ATP5MG: variants seen among roughly 807,000 people sequenced by gnomAD.
ATP5MG encodes the protein ATP synthase F(0) complex subunit g, mitochondrial.
A neutral mutation model predicts 12.7 loss-of-function variants in ATP5MG; 7 were observed. The observed-to-expected ratio is 0.55, with a 90% CI of 0.31 to 1.04. The LOEUF (loss-of-function observed/expected upper bound fraction) is 1.04. Among genes scored for constraint, ATP5MG ranks in the 50% least tolerant of loss-of-function variants. The probability of loss-of-function intolerance (pLI) is 0.05; values close to 1 mark genes in which losing one functional copy is unlikely to be tolerated. For missense variants in ATP5MG, 116 were observed against 126.7 expected (o/e 0.92, Z 0.41); for synonymous variants, 53 against 48.2 (o/e 1.10, Z -0.41).
intron 2 of ATP5MG, chr11:118,407,301 G>GGAAAC: frequency 1.3e-6 from 1 of 793,080 alleles, no homozygotes; most frequent in Non-Finnish European, 1.9e-6. Flanking sequence ...TTATGTCTTA[G>GGAAAC]TTTCCTAAGA....
chr11:118,406,074 G>C (rs1231990190), intron 1 of ATP5MG: 1 of 152,206 alleles, frequency 6.6e-6, no homozygotes, highest in African/African-American at 2.4e-5. Flanking sequence ...TGCTGGGCAG[G>C]CTGGTCTCAA....
Position 118,406,952 on chromosome 11 carries a change from C to T in ATP5MG, c.68C>T (p.Ser23Leu), listed in dbSNP as rs1555132187. ...PALVNAAVTY[S>L]KPRLATFWYY... ...TGTTTTCCAGCTGCTGTGACTTACTCGAAGCCTCGATTGGCCACATTTTGG... is the reference window on the plus strand; with the variant it reads ...TGTTTTCCAGCTGCTGTGACTTACTTGAAGCCTCGATTGGCCACATTTTGG... The change falls in exon 2 of 3, where the codon TCG becomes TTG. Residue 23 changes from serine to leucine, a missense_variant. Physicochemically the swap from Ser to Leu is moderately radical, Grantham distance 145 (BLOSUM62 -2). Transcript: ENST00000300688. 4.4e-6 allele frequency: 7 copies of T among 1,608,344 alleles called. No homozygotes were observed. The highest frequency in any genetic ancestry group is 3.3e-5 in the South Asian group (3 of 90,062).
At chr11:118,408,425 A>G (rs1948990827) in intron 2 of ATP5MG, among the ~76,000 whole-genome samples, 1 of 152,218 alleles carries the variant, frequency 6.6e-6, no homozygotes, top group African/African-American at 2.4e-5. Flanking sequence ...TTATTGCTCC[A>G]TGTATTAATA....
At chr11:118,406,733 C>A in intron 1 of ATP5MG, 1 of 670,664 alleles carries the variant, frequency 1.5e-6, no homozygotes. Context: ...ATTGAACATC[C>A]CTGTGGCACA....
chr11:118,406,858 G>T lies in ATP5MG; in HGVS notation c.53-79G>T, dbSNP rs1948976137. 3 of 1,524,334 alleles carry T rather than the reference G, an allele frequency of 2.0e-6. No homozygotes were observed. In the Admixed American group the frequency reaches 6.0e-5, roughly 31 times the overall value. 94.4% of individuals were successfully genotyped at this position (1,524,334 alleles called of 1,614,324 possible). A position where few individuals can be genotyped will look rare whatever the true frequency, so the allele number is the denominator to read the frequency against. On this transcript the variant is annotated intron_variant, in intron 1 of 2. Transcript: ENST00000300688. The stretch of plus-strand genomic sequence containing the variant: ...AGGTGATGCATGAATAAATATTTGT[G>T]TCCAGCCCACACATCTGCTTCTTTC...
rs1802489 is a variant in ATP5MG, at chr11:118,407,067, G to A, written c.183G>A (p.Gln61=). 1.1e-5 allele frequency: 18 copies of A among 1,614,030 alleles called. No individual in the cohort carries two copies. Among genetic ancestry groups the A allele is most frequent in the Non-Finnish European group, 1.3e-5 (15 of 1,180,036 alleles). The change falls in exon 2 of 3, where the codon CAG becomes CAA. Residue 61 remains glutamine, a synonymous_variant. Transcript: ENST00000300688. The part of the protein sequence containing the change: ...QSLKKIVNSA[Q]TGSFKQLTVK... ...TGAAAAAAATAGTCAATAGTGCTCA[G>A]ACTGGTAGCTTCAAACAGCTCACAG...
At chr11:118,403,672 A>T (rs1260148748) in intron 1 of ATP5MG, among the ~76,000 whole-genome samples, 2 of 151,340 alleles carry the variant, frequency 1.3e-5, no homozygotes, top group Non-Finnish European at 2.9e-5. Flanking sequence ...AGGCGCCTAT[A>T]ATCCCAGCTA....
intron 2 of ATP5MG, 43 bp from the exon 3 acceptor site, chr11:118,408,957 A>G (rs1555132553): frequency 5.7e-6 from 3 of 529,608 alleles, no homozygotes; most frequent in Non-Finnish European, 8.9e-6. Context: ...ATAATTATAT[A>G]TATATATAAA....
rs781963224 is a variant in ATP5MG, at chr11:118,408,969, G to A, written c.214-31G>A. 2.2e-5 allele frequency: 21 copies of A among 963,302 alleles called. No homozygotes were observed. The South Asian group carries it at 3.2e-4, about 15-fold the overall frequency. The allele number at this position is 963,302 out of a possible 1,614,324, so 59.7% of individuals were successfully genotyped here. ...TATATAATTATATATATATATAAAAGGTACCTTAAAATGTATGCTTCTTTT... is the reference window on the plus strand; with the variant it reads ...TATATAATTATATATATATATAAAAAGTACCTTAAAATGTATGCTTCTTTT... On this transcript the variant is annotated intron_variant, in intron 2 of 2. Coordinates refer to ENST00000300688, the MANE Select transcript of ATP5MG (RefSeq NM_006476.5).
chr11:118,407,232 G>T, intron 2 of ATP5MG, 135 bp downstream of exon 2: 2 of 1,281,852 alleles, frequency 1.6e-6, no homozygotes, highest in Admixed American at 2.7e-5. Flanking sequence ...AATTTTGACT[G>T]CTGAGGAAGA....
At chr11:118,403,683 C>G (rs756237145) in intron 1 of ATP5MG, among the ~76,000 whole-genome samples, 30 of 151,040 alleles carry the variant, frequency 2.0e-4, no homozygotes, top group Non-Finnish European at 4.0e-4. Flanking sequence ...ATCCCAGCTA[C>G]TCGGGAAGCT....
At chr11:118,403,428 G>A (rs782575160) in intron 1 of ATP5MG, among the ~76,000 whole-genome samples, 16 of 152,204 alleles carry the variant, frequency 1.1e-4, no homozygotes, top group Non-Finnish European at 2.4e-4. Context: ...CCCCGGAGGC[G>A]GAGGTTGCAG....
chr11:118,406,990 G>C lies in ATP5MG; in HGVS notation c.106G>C (p.Val36Leu). The C allele has an allele frequency of 1.2e-6, 2 of 1,614,010 alleles. No homozygotes were observed. ...RLATFWYYAK[V>L]ELVPPTPAEI... Reference sequence around the variant, plus strand: ...GGCCACATTTTGGTACTACGCCAAGGTTGAGCTGGTTCCTCCCACCCCTGC... The same window carrying C: ...GGCCACATTTTGGTACTACGCCAAGCTTGAGCTGGTTCCTCCCACCCCTGC... Residue 36 changes from valine to leucine, a missense_variant, in exon 2 of 3, where the codon GTT (valine) becomes CTT (leucine). Transcript: ENST00000300688.
chr11:118,408,798 A>C (rs1211424969), intron 2 of ATP5MG, among the ~76,000 whole-genome samples: 25 of 152,120 alleles, frequency 1.6e-4, no homozygotes, highest in Admixed American at 1.4e-3. Context: ...TACAAAATTG[A>C]AAGTTCAAGG....
At chr11:118,404,269 C>T (rs1470553767) in intron 1 of ATP5MG, among the ~76,000 whole-genome samples, 1 of 152,154 alleles carries the variant, frequency 6.6e-6, no homozygotes, top group African/African-American at 2.4e-5. Context: ...CTAGGAAGAT[C>T]ATAGAATCTG....
At chr11:118,408,500 C>A (rs1046010717) in intron 2 of ATP5MG, among the ~76,000 whole-genome samples, 4 of 152,074 alleles carry the variant, frequency 2.6e-5, no homozygotes, top group Admixed American at 2.0e-4. Flanking sequence ...GATATGAATA[C>A]CAGATACTTA....
intron 1 of ATP5MG, 183 bp from the exon 2 acceptor site, chr11:118,406,754 A>G (rs1386823276): frequency 2.4e-6 from 2 of 832,582 alleles, no homozygotes; most frequent in Non-Finnish European, 3.6e-6. Flanking sequence ...GGTGTTCTGC[A>G]TCTTTAAAAG....
intron 1 of ATP5MG, among the ~76,000 whole-genome samples, chr11:118,402,725 A>T (rs1287840490): frequency 6.9e-6 from 1 of 144,656 alleles, no homozygotes; most frequent in Non-Finnish European, 1.5e-5. Context: ...CCTAGAAGAC[A>T]GGGACTCACT....
At chr11:118,401,982 C>T in intron 1 of ATP5MG, 3 of 435,012 alleles carry the variant, frequency 6.9e-6, no homozygotes, top group Non-Finnish European at 1.2e-5. Context: ...GAAGGAAGCC[C>T]GGCGTTGCCC....
Sources: gnomAD v4.1 joint callset for allele counts (sites outside exome capture counted in the v4.1 genomes callset) on GRCh38, gnomAD v4.1.1 for gene constraint, MANE v1.5 for transcripts, NCBI Gene and HGNC (gene_info 2026-07-23, HGNC 2026-07-21) for gene names.